Variants in PDE4D observed in about 807,000 individuals in gnomAD.
PDE4D encodes the protein phosphodiesterase 4D.
A neutral mutation model predicts 87.4 loss-of-function variants in PDE4D; 24 were observed. That is an observed-to-expected ratio of 0.27 (90% confidence interval 0.20 to 0.39). PDE4D has a LOEUF of 0.39. Among genes scored for constraint, PDE4D ranks in the 10% least tolerant of loss-of-function variants. The probability of loss-of-function intolerance (pLI) is 1.00; values close to 1 mark genes in which losing one functional copy is unlikely to be tolerated. For missense variants in PDE4D, 714 were observed against 1,041.0 expected (o/e 0.69, Z 4.32); for synonymous variants, 384 against 383.2 (o/e 1.00, Z -0.02).
chr5:60,446,742 C>A (rs938302337), intron 1 of PDE4D, among the ~76,000 whole-genome samples: 5 of 152,114 alleles, frequency 3.3e-5, no homozygotes, highest in African/African-American at 1.2e-4. Context: ...AGCTAAGTTT[C>A]TATAATCCCT....
At chr5:59,077,475 CTTT>C (rs33910828) in intron 5 of PDE4D, among the ~76,000 whole-genome samples, 12 of 130,944 alleles carry the variant, frequency 9.2e-5, no homozygotes, top group Admixed American at 1.6e-4. Context: ...TTTTTTTCTT[CTTT>C]TTTTTTTTTT....
At chr5:59,872,097 G>T (rs1232154467) in intron 1 of PDE4D, among the ~76,000 whole-genome samples, 1 of 152,054 alleles carries the variant, frequency 6.6e-6, no homozygotes, top group African/African-American at 2.4e-5. Flanking sequence ...GGAAGTGAAG[G>T]AAGTCAAGTA....
chr5:59,874,135 C>T (rs1170448413), intron 1 of PDE4D, among the ~76,000 whole-genome samples: 1 of 152,034 alleles, frequency 6.6e-6, no homozygotes, highest in Admixed American at 6.6e-5. Flanking sequence ...CCCTGGAATT[C>T]AAAGTAGCAG....
At chr5:60,427,713 G>A (rs1429573871) in intron 1 of PDE4D, among the ~76,000 whole-genome samples, 1 of 152,168 alleles carries the variant, frequency 6.6e-6, no homozygotes. Flanking sequence ...AGGCAAAAGT[G>A]AAAACACTCT....
At chr5:59,356,686 C>T (rs1781427415) in intron 1 of PDE4D, 1 of 1,259,806 alleles carries the variant, frequency 7.9e-7, no homozygotes, top group African/African-American at 1.5e-5. Context: ...CAACATAGGG[C>T]AAAGGCTTAT....
chr5:59,613,807 G>A (rs368022646), intron 1 of PDE4D, among the ~76,000 whole-genome samples: 2 of 152,186 alleles, frequency 1.3e-5, no homozygotes, highest in African/African-American at 4.8e-5. Flanking sequence ...ATTTATAAGA[G>A]AGAAACAAGA....
intron 2 of PDE4D, among the ~76,000 whole-genome samples, chr5:60,102,920 A>C (rs999943661): frequency 1.2e-4 from 18 of 152,176 alleles, no homozygotes; most frequent in African/African-American, 3.6e-4. Context: ...CCTCACACTA[A>C]ATCCATTTTT....
chr5:60,116,257 T>C (rs762663683), intron 2 of PDE4D, among the ~76,000 whole-genome samples: 17 of 152,034 alleles, frequency 1.1e-4, no homozygotes, highest in Non-Finnish European at 2.5e-4. Context: ...CAGACCAACC[T>C]AGATGGTGTT....
chr5:60,396,975 C>A (rs1485614425), intron 1 of PDE4D, among the ~76,000 whole-genome samples: 1 of 152,180 alleles, frequency 6.6e-6, no homozygotes, highest in Non-Finnish European at 1.5e-5. Flanking sequence ...CATTTTCCGG[C>A]CTCACAAAAG....
intron 1 of PDE4D, among the ~76,000 whole-genome samples, chr5:59,870,751 A>G (rs1747706634): frequency 6.6e-6 from 1 of 152,150 alleles, no homozygotes; most frequent in African/African-American, 2.4e-5. Flanking sequence ...AGACAGGGAG[A>G]TTGTACTGAA....
intron 1 of PDE4D, among the ~76,000 whole-genome samples, chr5:59,382,213 T>C (rs1786003653): frequency 6.6e-6 from 1 of 152,166 alleles, no homozygotes; most frequent in South Asian, 2.1e-4. Context: ...CCATATGGAA[T>C]CACATATGTA....
intron 2 of PDE4D, among the ~76,000 whole-genome samples, chr5:60,143,966 C>T (rs1333025156): frequency 6.6e-6 from 1 of 152,110 alleles, no homozygotes; most frequent in Non-Finnish European, 1.5e-5. Context: ...AAACACTTTG[C>T]TTATTCTTTT....
intron 2 of PDE4D, among the ~76,000 whole-genome samples, chr5:60,098,930 C>T (rs970770316): frequency 5.3e-5 from 8 of 151,880 alleles, no homozygotes; most frequent in Admixed American, 1.3e-4. Flanking sequence ...GATGTTACTT[C>T]GGGTCCTTTC....
At chr5:60,246,264 G>C (rs1747765470) in intron 1 of PDE4D, among the ~76,000 whole-genome samples, 1 of 150,872 alleles carries the variant, frequency 6.6e-6, no homozygotes, top group Non-Finnish European at 1.5e-5. Context: ...TTTTTTGCTT[G>C]ACTCATGAGT....
At chr5:59,994,291 A>ATGTG (rs202112500) in intron 2 of PDE4D, among the ~76,000 whole-genome samples, 1 of 150,616 alleles carries the variant, frequency 6.6e-6, no homozygotes, top group Non-Finnish European at 1.5e-5. Context: ...TCCCCTTAAG[A>ATGTG]TGTGTGTGTG....
At chr5:59,885,921 CTT>C (rs1217357544) in intron 1 of PDE4D, among the ~76,000 whole-genome samples, 2 of 152,162 alleles carry the variant, frequency 1.3e-5, no homozygotes, top group Non-Finnish European at 1.5e-5. Flanking sequence ...CAAGTTCTAT[CTT>C]TGAACATGAA....
At chr5:58,985,744 C>A (rs746899904) in intron 11 of PDE4D, among the ~76,000 whole-genome samples, 2 of 151,988 alleles carry the variant, frequency 1.3e-5, no homozygotes, top group Admixed American at 6.6e-5. Context: ...CTCAAGCCAT[C>A]CATAAAATAT....
intron 1 of PDE4D, among the ~76,000 whole-genome samples, chr5:59,439,649 T>C (rs1362098981): frequency 1.3e-5 from 2 of 152,098 alleles, no homozygotes; most frequent in African/African-American, 4.8e-5. Context: ...AAGTAAAATA[T>C]ATAAGAGAAA....
intron 2 of PDE4D, among the ~76,000 whole-genome samples, chr5:60,160,595 T>C (rs1562167301): frequency 6.6e-6 from 1 of 152,180 alleles, no homozygotes; most frequent in Non-Finnish European, 1.5e-5. Context: ...TCTTTATTAG[T>C]CCTTCCTTTC....
Sources: allele counts gnomAD v4.1 joint callset (sites outside exome capture counted in the v4.1 genomes callset), GRCh38; gene constraint gnomAD v4.1.1; transcripts MANE v1.5; gene names NCBI Gene and HGNC (gene_info 2026-07-23, HGNC 2026-07-21).